Variants in AGBL1 observed in about 807,000 individuals in gnomAD.
AGBL1 encodes the protein AGBL carboxypeptidase 1, also known as cytosolic carboxypeptidase 4.
AGBL1 carries 130 observed loss-of-function variants against 118.9 expected under a neutral mutation model. That is an observed-to-expected ratio of 1.09 (90% CI 0.95 to 1.26). The LOEUF is 1.26. Among genes scored for constraint, AGBL1 ranks in the 50% most tolerant of loss-of-function variants. The pLI, the probability that AGBL1 is intolerant of heterozygous loss-of-function variation, is 0.00. For synonymous variants in AGBL1, 555 were observed against 478.9 expected, an observed-to-expected ratio of 1.16 and a Z score of -2.08; for missense variants, 1,584 against 1,298.1, an observed-to-expected ratio of 1.22 and a Z score of -3.38.
chr15:86,471,193 A>G (rs574119423), intron 18 of AGBL1, among the ~76,000 whole-genome samples: 1 of 152,184 alleles, frequency 6.6e-6, no homozygotes, highest in African/African-American at 2.4e-5. Flanking sequence ...ATTATATATG[A>G]CCTTTTTAAT....
chr15:86,128,346 C>T (rs1208672294), intron 1 of AGBL1, among the ~76,000 whole-genome samples: 1 of 152,044 alleles, frequency 6.6e-6, no homozygotes, highest in African/African-American at 2.4e-5. Flanking sequence ...AAACCACCCC[C>T]ATGATTCAAT....
intron 18 of AGBL1, among the ~76,000 whole-genome samples, chr15:86,466,502 C>T (rs2082409175): frequency 6.6e-6 from 1 of 152,194 alleles, no homozygotes; most frequent in African/African-American, 2.4e-5. Flanking sequence ...TGTCAATTGT[C>T]AAACTCATTC....
chr15:86,095,492 C>T (rs1182396704), intron 1 of AGBL1, among the ~76,000 whole-genome samples: 1 of 152,076 alleles, frequency 6.6e-6, no homozygotes, highest in Non-Finnish European at 1.5e-5. Context: ...GTCTTAGAAG[C>T]TCTGTGTCAG....
At chr15:86,633,850 A>ATATATATATAATG (rs2085028918) in intron 21 of AGBL1, among the ~76,000 whole-genome samples, 1 of 39,748 alleles carries the variant, frequency 2.5e-5, no homozygotes, top group African/African-American at 1.2e-4. Flanking sequence ...TATATAATGT[A>ATATATATATAATG]TATATATATA....
At chr15:86,882,210 C>A (rs926090672) in intron 22 of AGBL1, among the ~76,000 whole-genome samples, 1 of 152,144 alleles carries the variant, frequency 6.6e-6, no homozygotes, top group Non-Finnish European at 1.5e-5. Context: ...GAAGAACTTG[C>A]TGTACTTTGT....
intron 23 of AGBL1, among the ~76,000 whole-genome samples, chr15:86,956,817 T>C (rs1327505590): frequency 6.6e-6 from 1 of 152,148 alleles, no homozygotes; most frequent in East Asian, 1.9e-4. Flanking sequence ...CATAGAGCAA[T>C]GTAGCAGCAT....
chr15:86,822,072 C>T (rs544832226), intron 22 of AGBL1, among the ~76,000 whole-genome samples: 1 of 152,290 alleles, frequency 6.6e-6, no homozygotes, highest in South Asian at 2.1e-4. Flanking sequence ...CATGTGTGCA[C>T]AGCCCTGAAG....
At chr15:86,181,731 A>C (rs886250807) in intron 5 of AGBL1, among the ~76,000 whole-genome samples, 1 of 152,014 alleles carries the variant, frequency 6.6e-6, no homozygotes, top group African/African-American at 2.4e-5. Context: ...ATATTAAGGA[A>C]TATGCATAGT....
At chr15:86,487,345 G>A (rs1024658262) in intron 18 of AGBL1, among the ~76,000 whole-genome samples, 6 of 152,070 alleles carry the variant, frequency 3.9e-5, no homozygotes, top group East Asian at 1.9e-4. Context: ...AAGATGAAGT[G>A]AAGCCCTAAT....
chr15:86,958,432 G>A (rs954698633), intron 23 of AGBL1, among the ~76,000 whole-genome samples: 5 of 151,920 alleles, frequency 3.3e-5, no homozygotes, highest in African/African-American at 4.8e-5. Context: ...CATAGGTATA[G>A]ACAAGAAAAA....
At chr15:86,535,664 T>C (rs1245790480) in intron 19 of AGBL1, among the ~76,000 whole-genome samples, 1 of 152,234 alleles carries the variant, frequency 6.6e-6, no homozygotes, top group Non-Finnish European at 1.5e-5. Flanking sequence ...GTTTTGTCTT[T>C]CTCTGGGGCC....
intron 24 of AGBL1, among the ~76,000 whole-genome samples, chr15:87,018,310 A>G (rs1439714534): frequency 6.6e-6 from 1 of 152,140 alleles, no homozygotes; most frequent in Non-Finnish European, 1.5e-5. Context: ...AAGAAACATA[A>G]TCATCGGATT....
intron 18 of AGBL1, among the ~76,000 whole-genome samples, chr15:86,423,391 ACT>A (rs2081819392): frequency 6.6e-6 from 1 of 152,098 alleles, no homozygotes. Context: ...CATGCAAAAA[ACT>A]CTCAATAAAC....
intron 22 of AGBL1, among the ~76,000 whole-genome samples, chr15:86,877,770 G>A (rs1041366040): frequency 5.3e-5 from 8 of 152,110 alleles, no homozygotes; most frequent in Admixed American, 2.0e-4. Flanking sequence ...GCTTCTCTCC[G>A]GACACTCCTT....
At chr15:86,192,501 G>A (rs997331276) in intron 5 of AGBL1, among the ~76,000 whole-genome samples, 5 of 151,764 alleles carry the variant, frequency 3.3e-5, no homozygotes, top group Admixed American at 2.0e-4. Flanking sequence ...GACTTGTATC[G>A]AGGCTGTGAT....
chr15:86,805,478 C>T (rs916513525), intron 22 of AGBL1, among the ~76,000 whole-genome samples: 2 of 152,102 alleles, frequency 1.3e-5, no homozygotes, highest in Non-Finnish European at 2.9e-5. Context: ...GCTGAGCCTT[C>T]CAACAAGGGA....
chr15:86,563,881 T>C (rs925719208), intron 21 of AGBL1, among the ~76,000 whole-genome samples: 1 of 152,212 alleles, frequency 6.6e-6, no homozygotes, highest in Non-Finnish European at 1.5e-5. Flanking sequence ...TTTACCATTA[T>C]GTAATAGCCT....
At chr15:86,298,338 ATATATATATGAATATATTCT>A (rs1167440945) in intron 17 of AGBL1, among the ~76,000 whole-genome samples, 1 of 117,230 alleles carries the variant, frequency 8.5e-6, no homozygotes, top group African/African-American at 3.6e-5. Context: ...TATGGTAACT[ATATATATATGAATATATTCT>A]TATATATATA....
chr15:86,299,239 C>A (rs557613513), intron 17 of AGBL1, among the ~76,000 whole-genome samples: 1 of 152,186 alleles, frequency 6.6e-6, no homozygotes, highest in South Asian at 2.1e-4. Context: ...TCATTCTCTG[C>A]CCTTTTCAGT....
Sources: allele counts gnomAD v4.1 joint callset (sites outside exome capture counted in the v4.1 genomes callset), GRCh38; gene constraint gnomAD v4.1.1; transcripts MANE v1.5; gene names NCBI Gene and HGNC (gene_info 2026-07-23, HGNC 2026-07-21).